Variants in CPQ observed in about 807,000 individuals in gnomAD.
CPQ encodes carboxypeptidase Q.
In CPQ, 37 loss-of-function variants were observed where a neutral mutation model predicts 45.7. The observed-to-expected ratio is 0.81, with a 90% CI of 0.62 to 1.07. The LOEUF (loss-of-function observed/expected upper bound fraction) is 1.07. Among genes scored for constraint, CPQ ranks in the 50% least tolerant of loss-of-function variants. CPQ has a pLI of 0.00. For synonymous variants in CPQ, 186 were observed against 205.8 expected (o/e 0.90, Z 0.82); for missense variants, 537 against 572.9 (o/e 0.94, Z 0.64).
In CPQ at chr8:96,879,800, C is replaced by T; in HGVS notation, c.644C>T (p.Pro215Leu). The T allele has an allele frequency of 2.5e-6, 4 of 1,613,678 alleles. No individual in the cohort carries two copies. Among genetic ancestry groups the T allele is most frequent in the Non-Finnish European group, 3.4e-6 (4 of 1,179,698 alleles). Residue 215 changes from proline (P) to leucine (L), a missense_variant and splice_region_variant, in exon 4 of 8, where the codon CCT (proline) becomes CTT (leucine). Physicochemically the swap from Pro to Leu is moderately conservative, Grantham distance 98 (BLOSUM62 -3). Transcript: ENST00000220763. ...RSVASFSIYSPHTGIQEYQDG... is the reference protein window; with the variant it reads ...RSVASFSIYSLHTGIQEYQDG... ...ACCTGGTGGCTTCTTCTCTCAAGTCCTCACACAGGTATTCAGGAATACCAG... is the reference window on the plus strand; with the variant it reads ...ACCTGGTGGCTTCTTCTCTCAAGTCTTCACACAGGTATTCAGGAATACCAG...
chr8:96,866,572 A>G (rs1448917667), intron 3 of CPQ, among the ~76,000 whole-genome samples: 1 of 152,098 alleles, frequency 6.6e-6, no homozygotes, highest in Non-Finnish European at 1.5e-5. Context: ...ATTTCTCACA[A>G]AATTTAAGTT....
chr8:96,702,128 C>T (rs1809469946), intron 1 of CPQ, among the ~76,000 whole-genome samples: 1 of 152,190 alleles, frequency 6.6e-6, no homozygotes, highest in African/African-American at 2.4e-5. Flanking sequence ...GCGGGGTTAA[C>T]AAGAAGGCTT....
chr8:97,118,951 G>A (rs1039660652), intron 7 of CPQ, among the ~76,000 whole-genome samples: 1 of 152,028 alleles, frequency 6.6e-6, no homozygotes, highest in Admixed American at 6.6e-5. Flanking sequence ...TGCAACAATG[G>A]CAGAGTTGAG....
At chr8:97,024,659 G>A (rs1211632565) in intron 5 of CPQ, among the ~76,000 whole-genome samples, 1 of 152,140 alleles carries the variant, frequency 6.6e-6, no homozygotes, top group African/African-American at 2.4e-5. Context: ...GCCCAAAGCA[G>A]AAAGAGGTCT....
chr8:97,081,419 G>A (rs890989903), intron 7 of CPQ, among the ~76,000 whole-genome samples: 13 of 152,106 alleles, frequency 8.5e-5, no homozygotes, highest in Admixed American at 6.6e-4. Flanking sequence ...CCCAATATAT[G>A]TGTTAAGGTT....
chr8:97,075,457 C>A (rs1285008720), intron 7 of CPQ, among the ~76,000 whole-genome samples: 1 of 152,074 alleles, frequency 6.6e-6, no homozygotes, highest in Non-Finnish European at 1.5e-5. Context: ...ATGGAGGATA[C>A]AAAAATGAGA....
chr8:97,141,930 A>G (rs973236058), intron 7 of CPQ, among the ~76,000 whole-genome samples: 3 of 152,174 alleles, frequency 2.0e-5, no homozygotes, highest in Non-Finnish European at 4.4e-5. Flanking sequence ...TAATTGTTAT[A>G]TATAGTCATA....
chr8:97,095,367 C>T (rs924988004), intron 7 of CPQ, among the ~76,000 whole-genome samples: 1 of 152,180 alleles, frequency 6.6e-6, no homozygotes, highest in African/African-American at 2.4e-5. Context: ...TTTCCTCATT[C>T]ACTCTCCCTT....
intron 2 of CPQ, among the ~76,000 whole-genome samples, chr8:96,824,427 G>A (rs935549226): frequency 1.3e-5 from 2 of 151,972 alleles, no homozygotes; most frequent in Admixed American, 6.6e-5. Flanking sequence ...TTTCACTCAA[G>A]TCTTTTAAAT....
intron 1 of CPQ, among the ~76,000 whole-genome samples, chr8:96,783,136 A>G (rs1810712552): frequency 6.6e-6 from 1 of 152,176 alleles, no homozygotes; most frequent in African/African-American, 2.4e-5. Flanking sequence ...GGCTTTTCCT[A>G]GGCTGCTCTT....
intron 5 of CPQ, among the ~76,000 whole-genome samples, chr8:96,966,893 T>C (rs1813575875): frequency 6.6e-6 from 1 of 152,352 alleles, no homozygotes; most frequent in African/African-American, 2.4e-5. Context: ...TTAAAGGATG[T>C]CCCCTGTTCT....
intron 5 of CPQ, among the ~76,000 whole-genome samples, chr8:97,012,425 GA>G (rs1027135994): frequency 5.3e-4 from 80 of 152,254 alleles, no homozygotes; most frequent in Admixed American, 1.5e-3. Flanking sequence ...CTACACAGGG[GA>G]AAAAAATTTA....
intron 2 of CPQ, among the ~76,000 whole-genome samples, chr8:96,801,177 A>G (rs1180958685): frequency 2.0e-5 from 3 of 152,016 alleles, no homozygotes; most frequent in Non-Finnish European, 2.9e-5. Flanking sequence ...GGGTTTTGCC[A>G]TGTTGGCCAG....
At chr8:97,100,650 T>C (rs1393890045) in intron 7 of CPQ, among the ~76,000 whole-genome samples, 1 of 152,194 alleles carries the variant, frequency 6.6e-6, no homozygotes, top group Non-Finnish European at 1.5e-5. Context: ...CATATATTTT[T>C]AAAATTCAAG....
At position 97,123,034 on chromosome 8, in the gene CPQ, A is replaced by AAAAT. The variant is rs1811760625; in HGVS notation, c.1256-19982_1256-19979dup. On this transcript the variant is annotated intron_variant, in intron 7 of 7. Coordinates refer to ENST00000220763, the MANE Select transcript of CPQ (RefSeq NM_016134.4). ...TAAAATAAAATAAAATAAATAAAAT[A>AAAAT]AAATAAAATAAATAAAATAAAATAA... 6.7e-5 allele frequency among the ~76,000 whole-genome samples: 5 copies of AAAAT among 74,462 alleles called. 1 individual carries two copies. The highest frequency in any genetic ancestry group is 1.0e-4 in the African/African-American group (2 of 19,790). The allele number at this position is 74,462 out of a possible 152,430, so 48.8% of individuals were successfully genotyped here.
chr8:96,981,871 G>A (rs558878402), intron 5 of CPQ, among the ~76,000 whole-genome samples: 11 of 152,162 alleles, frequency 7.2e-5, no homozygotes, highest in South Asian at 2.1e-4. Flanking sequence ...CCTCAAAGCC[G>A]CCCTGTAAGG....
At chr8:96,985,655 G>A (rs1434400621) in intron 5 of CPQ, among the ~76,000 whole-genome samples, 2 of 152,164 alleles carry the variant, frequency 1.3e-5, no homozygotes, top group Non-Finnish European at 2.9e-5. Context: ...TGAATGGCAT[G>A]TTCAGTGATC....
At chr8:96,875,337 T>C (rs1812131235) in intron 3 of CPQ, among the ~76,000 whole-genome samples, 1 of 151,904 alleles carries the variant, frequency 6.6e-6, no homozygotes, top group African/African-American at 2.4e-5. Flanking sequence ...GATGGTTCCA[T>C]TTATCTATTT....
At chr8:96,922,275 T>G (rs1223514460) in intron 4 of CPQ, among the ~76,000 whole-genome samples, 1 of 152,096 alleles carries the variant, frequency 6.6e-6, no homozygotes, top group Non-Finnish European at 1.5e-5. Flanking sequence ...CCAACCATGC[T>G]CAACCCCTCA....
Sources: gnomAD v4.1 joint callset for allele counts (sites outside exome capture counted in the v4.1 genomes callset) on GRCh38, gnomAD v4.1.1 for gene constraint, MANE v1.5 for transcripts, NCBI Gene and HGNC (gene_info 2026-07-23, HGNC 2026-07-21) for gene names.